Variants in BAIAP2 observed in about 807,000 individuals in gnomAD.
The protein encoded by BAIAP2 is BAR/IMD domain containing adaptor protein 2.
Under a neutral mutation model 63.0 loss-of-function variants are expected in BAIAP2, and 18 were observed. The observed-to-expected ratio is 0.29, with a 90% CI of 0.20 to 0.42. The LOEUF (loss-of-function observed/expected upper bound fraction) is 0.42, where lower values mean the gene tolerates loss of function less well. Ranked by LOEUF, BAIAP2 falls within the 10% of genes least tolerant of loss-of-function variation. The probability of loss-of-function intolerance (pLI) is 1.00; values close to 1 mark genes in which losing one functional copy is unlikely to be tolerated. For missense variants in BAIAP2, 610 were observed against 734.3 expected, an observed-to-expected ratio of 0.83 and a Z score of 1.96; for synonymous variants, 386 against 307.6, an observed-to-expected ratio of 1.25 and a Z score of -2.67.
rs745605178 is a variant in BAIAP2, at chr17:81,106,813, C to T, written c.1406C>T (p.Pro469Leu). ...AAGGACGACCTGGCCATCCCACCCC[C>T]CGATTACGGCGCCGCCTCCCGGGCC... Reference protein sequence around the residue: ...LDKDDLAIPPPDYGAASRAFP... With the variant: ...LDKDDLAIPPLDYGAASRAFP... Residue 469 changes from proline to leucine, a missense_variant, in exon 12 of 14, where the codon CCC becomes CTC. Pro to Leu is a moderately conservative substitution (Grantham distance 98, BLOSUM62 -3). Around this residue, in one of 5 missense-constraint regions of BAIAP2, gnomAD observed 114 missense variants for 98.2 expected, o/e 1.16. Coordinates refer to ENST00000428708, the MANE Select transcript of BAIAP2 (RefSeq NM_001144888.2). The T allele has an allele frequency of 1.2e-6, 2 of 1,612,342 alleles. No homozygotes were observed. The highest frequency in any genetic ancestry group is 8.5e-7 in the Non-Finnish European group (1 of 1,179,680).
At chr17:81,059,840 C>T (rs1009111459) in intron 3 of BAIAP2, among the ~76,000 whole-genome samples, 2 of 152,128 alleles carry the variant, frequency 1.3e-5, no homozygotes, top group Non-Finnish European at 2.9e-5. Flanking sequence ...GCATGAGGGT[C>T]TGCCCGTGGG....
At chr17:81,114,328 A>G (rs2060267863) in intron 13 of BAIAP2, among the ~76,000 whole-genome samples, 1 of 151,756 alleles carries the variant, frequency 6.6e-6, no homozygotes, top group Non-Finnish European at 1.5e-5. Context: ...CTGCGGAGGA[A>G]CTCGGGCCAC....
intron 3 of BAIAP2, among the ~76,000 whole-genome samples, chr17:81,072,060 C>T (rs1471242861): frequency 2.0e-5 from 3 of 152,208 alleles, no homozygotes; most frequent in African/African-American, 4.8e-5. Context: ...TCCTGTTGCT[C>T]CTCCTTCGAG....
intron 3 of BAIAP2, among the ~76,000 whole-genome samples, chr17:81,082,627 C>T (rs1462618855): frequency 1.3e-5 from 2 of 152,212 alleles, no homozygotes; most frequent in Non-Finnish European, 2.9e-5. Flanking sequence ...ACCTCTGGGT[C>T]CCCTCAGGGG....
chr17:81,047,691 A>G (rs1364462506), intron 1 of BAIAP2, among the ~76,000 whole-genome samples: 2 of 151,730 alleles, frequency 1.3e-5, no homozygotes, highest in Non-Finnish European at 2.9e-5. Flanking sequence ...TCATGCCCAC[A>G]GCACACGCAC....
In BAIAP2 at chr17:81,041,501, C is replaced by T. The variant is rs142052728; in HGVS notation, c.54+6193C>T. Among the ~76,000 whole-genome samples the T allele has an allele frequency of 2.6e-5, 4 of 152,346 alleles. No individual in the cohort carries two copies. The East Asian group carries it at 5.8e-4, about 22-fold the overall frequency. On this transcript the variant is annotated intron_variant, in intron 1 of 13. Coordinates refer to ENST00000428708, the MANE Select transcript of BAIAP2 (RefSeq NM_001144888.2). ...TCTTGCTTAGAGTTTTTATTTTATA[C>T]TTACTGGAACAGTTGTCTTATAATT...
intron 3 of BAIAP2, among the ~76,000 whole-genome samples, chr17:81,080,782 T>C (rs1281346478): frequency 2.0e-5 from 3 of 152,128 alleles, no homozygotes; most frequent in Admixed American, 6.5e-5. Flanking sequence ...CTTGGGAGGC[T>C]GAGGTGGGAG....
intron 6 of BAIAP2, 140 bp downstream of exon 6, chr17:81,086,720 C>A: frequency 9.9e-7 from 1 of 1,007,850 alleles, no homozygotes; most frequent in Non-Finnish European, 1.5e-6. Context: ...CCTGGTAGAC[C>A]TCGGGAGCGG....
Position 81,106,815 on chromosome 17 carries a change from G to T in BAIAP2, c.1408G>T (p.Asp470Tyr). The change falls in exon 12 of 14, where the codon GAT becomes TAT. Residue 470 changes from aspartate (D) to tyrosine (Y), a missense_variant. By Grantham distance (160) the Asp-to-Tyr change is radical. Coordinates refer to ENST00000428708, the MANE Select transcript of BAIAP2 (RefSeq NM_001144888.2). ...GGACGACCTGGCCATCCCACCCCCCGATTACGGCGCCGCCTCCCGGGCCTT... is the reference window on the plus strand; with the variant it reads ...GGACGACCTGGCCATCCCACCCCCCTATTACGGCGCCGCCTCCCGGGCCTT... The part of the protein sequence containing the change: ...DKDDLAIPPP[D>Y]YGAASRAFPA... 1 of 1,612,310 alleles carries T rather than the reference G, an allele frequency of 6.2e-7. No individual in the cohort carries two copies.
intron 1 of BAIAP2, among the ~76,000 whole-genome samples, chr17:81,037,131 T>C (rs558844145): frequency 2.6e-5 from 4 of 152,354 alleles, no homozygotes; most frequent in Admixed American, 1.3e-4. Flanking sequence ...TTGGGGACTT[T>C]GAGCCCCTGT....
chr17:81,080,263 T>C (rs934276851), intron 3 of BAIAP2, among the ~76,000 whole-genome samples: 3 of 152,262 alleles, frequency 2.0e-5, no homozygotes, highest in Admixed American at 1.3e-4. Flanking sequence ...GGGGGTTAAG[T>C]GCTGGTGGCC....
At chr17:81,081,194 C>T (rs1390115418) in intron 3 of BAIAP2, among the ~76,000 whole-genome samples, 2 of 152,174 alleles carry the variant, frequency 1.3e-5, no homozygotes, top group Non-Finnish European at 2.9e-5. Flanking sequence ...CAGGACAGTT[C>T]CCTGGAGGCT....
intron 7 of BAIAP2, among the ~76,000 whole-genome samples, chr17:81,101,309 T>A (rs1484784504): frequency 6.6e-6 from 1 of 151,984 alleles, no homozygotes; most frequent in Non-Finnish European, 1.5e-5. Flanking sequence ...TGAGCCCCGA[T>A]GTGAGCAAGG....
intron 7 of BAIAP2, among the ~76,000 whole-genome samples, chr17:81,101,507 C>T (rs1367073001): frequency 6.6e-6 from 1 of 152,166 alleles, no homozygotes; most frequent in Admixed American, 6.5e-5. Context: ...AGATGTAGTT[C>T]CGGAGCCAAG....
At chr17:81,040,113 G>C (rs1820329865) in intron 1 of BAIAP2, among the ~76,000 whole-genome samples, 1 of 152,242 alleles carries the variant, frequency 6.6e-6, no homozygotes, top group African/African-American at 2.4e-5. Flanking sequence ...GCCACCGTCT[G>C]TGGAGGCGGG....
chr17:81,112,161 C>G (rs2059999803), intron 13 of BAIAP2, among the ~76,000 whole-genome samples: 1 of 152,224 alleles, frequency 6.6e-6, no homozygotes, highest in South Asian at 2.1e-4. Context: ...TCCAGACCCC[C>G]CCACTCCCCC....
intron 2 of BAIAP2, among the ~76,000 whole-genome samples, chr17:81,055,691 G>A (rs1166420972): frequency 4.6e-5 from 7 of 151,010 alleles, no homozygotes; most frequent in African/African-American, 7.3e-5. Context: ...TCAGCCTCCC[G>A]AGTAGCTGGG....
intron 3 of BAIAP2, among the ~76,000 whole-genome samples, chr17:81,064,080 C>G (rs2051050962): frequency 6.6e-6 from 1 of 152,262 alleles, no homozygotes; most frequent in South Asian, 2.1e-4. Context: ...CTGGGTGTGG[C>G]CTTGTGGCCA....
At chr17:81,111,161 C>G (rs1310643451) in intron 13 of BAIAP2, among the ~76,000 whole-genome samples, 1 of 152,214 alleles carries the variant, frequency 6.6e-6, no homozygotes, top group African/African-American at 2.4e-5. Context: ...TTCTCCCCTC[C>G]CGGAAGCTTG....
Sources: gnomAD v4.1 joint callset for allele counts (sites outside exome capture counted in the v4.1 genomes callset) on GRCh38, gnomAD v4.1.1 for gene constraint, gnomAD v4.1.1 regional missense constraint, MANE v1.5 for transcripts, NCBI Gene and HGNC (gene_info 2026-07-23, HGNC 2026-07-21) for gene names.